TLK1: variants seen among roughly 807,000 people sequenced by gnomAD.
TLK1 encodes serine/threonine-protein kinase tousled-like 1.
TLK1 carries 24 observed loss-of-function variants against 105.3 expected under a neutral mutation model. The observed-to-expected ratio is 0.23, with a 90% confidence interval of 0.17 to 0.32. TLK1 has a LOEUF of 0.32. Ranked by LOEUF, TLK1 falls within the 10% of genes least tolerant of loss-of-function variation. The probability of loss-of-function intolerance (pLI) is 1.00; values close to 1 mark genes in which losing one functional copy is unlikely to be tolerated. For synonymous variants in TLK1, 321 were observed against 310.4 expected, an observed-to-expected ratio of 1.03 and a Z score of -0.36; for missense variants, 558 against 910.5, an observed-to-expected ratio of 0.61 and a Z score of 4.98.
intron 1 of TLK1, among the ~76,000 whole-genome samples, chr2:171,213,287 G>A (rs1250995139): frequency 6.6e-6 from 1 of 150,558 alleles, no homozygotes; most frequent in African/African-American, 2.4e-5. Context: ...CTGCAGCCTC[G>A]ACCTCCTGGG....
At chr2:170,998,745 T>A (rs1684205822) in intron 18 of TLK1, among the ~76,000 whole-genome samples, 1 of 152,222 alleles carries the variant, frequency 6.6e-6, no homozygotes, top group African/African-American at 2.4e-5. Flanking sequence ...ATTACTATTT[T>A]AAAAATATGT....
chr2:171,143,020 T>C lies in TLK1; in HGVS notation c.139+17270A>G, dbSNP rs575902373. 1.2e-4 allele frequency among the ~76,000 whole-genome samples: 19 copies of C among 152,264 alleles called. 1 individual carries two copies. In the East Asian group the frequency reaches 1.9e-3, roughly 15 times the overall value. On this transcript the variant is annotated intron_variant, in intron 1 of 20. Transcript: ENST00000431350. Reference sequence around the variant, plus strand: ...CTTGAACTCAGAGACAGAAGTTGCATTGAGCCAAGATCATGCCACTACTCC... The same window carrying C: ...CTTGAACTCAGAGACAGAAGTTGCACTGAGCCAAGATCATGCCACTACTCC...
intron 11 of TLK1, among the ~76,000 whole-genome samples, chr2:171,033,238 A>G (rs1299217157): frequency 6.6e-6 from 1 of 152,160 alleles, no homozygotes; most frequent in Non-Finnish European, 1.5e-5. Context: ...AGGGAAGATA[A>G]CACAGGGGTA....
chr2:171,164,017 C>T (rs1357026067), upstream of TLK1, among the ~76,000 whole-genome samples: 5 of 152,190 alleles, frequency 3.3e-5, no homozygotes, highest in East Asian at 1.9e-4. Context: ...TGAGCCACCA[C>T]GTCCACCCTA....
rs1195350832 is a variant in TLK1, at chr2:170,993,685, A to AAAAAAG, written c.*89_*94dup. ...GTCTTGTGTAAAAAAAAAAAAAAAAAAAAAAGAAAAAGAAAACAAACACTC... is the reference window on the plus strand; with the variant it reads ...GTCTTGTGTAAAAAAAAAAAAAAAAAAAAAAGAAAAAGAAAAAGAAAACAAACACTC... On this transcript the variant is annotated 3_prime_UTR_variant, in exon 21 of 21. Transcript: ENST00000431350. 1.1e-4 allele frequency: 114 copies of AAAAAAG among 994,312 alleles called. No individual in the cohort carries two copies. The highest frequency in any genetic ancestry group is 3.0e-4 in the Admixed American group (9 of 29,712). 61.6% of individuals were successfully genotyped at this position (994,312 alleles called of 1,614,324 possible). A position where few individuals can be genotyped will look rare whatever the true frequency, so the allele number is the denominator to read the frequency against.
chr2:171,016,361 C>T (rs896059027), intron 12 of TLK1, among the ~76,000 whole-genome samples: 19 of 152,030 alleles, frequency 1.2e-4, no homozygotes. Flanking sequence ...CCTGAACTCC[C>T]GAGCTCAACG....
chr2:171,148,889 AAAT>A (rs1255315801), intron 1 of TLK1, among the ~76,000 whole-genome samples: 42 of 69,944 alleles, frequency 6.0e-4, no homozygotes, highest in Admixed American at 1.0e-3. Flanking sequence ...TAAAAAAAAA[AAAT>A]ATATATATAT....
At chr2:171,075,227 T>C (rs1027272466) in intron 3 of TLK1, among the ~76,000 whole-genome samples, 7 of 151,682 alleles carry the variant, frequency 4.6e-5, no homozygotes, top group African/African-American at 1.7e-4. Flanking sequence ...AAAGTAGAGG[T>C]GGGTATGTAT....
At chr2:171,119,349 C>G (rs568880393) in intron 1 of TLK1, among the ~76,000 whole-genome samples, 1 of 152,276 alleles carries the variant, frequency 6.6e-6, no homozygotes, top group African/African-American at 2.4e-5. Context: ...TCAGCCACAC[C>G]TGTTCCCCCC....
At chr2:171,061,265 C>T in intron 3 of TLK1, 109 bp from the exon 4 acceptor site, 2 of 870,506 alleles carry the variant, frequency 2.3e-6, no homozygotes, top group East Asian at 2.6e-5. Flanking sequence ...TTCAGTAGTG[C>T]TCAAGAGATG....
At chr2:171,006,394 CAT>C (rs1010750582) in intron 17 of TLK1, 78 bp downstream of exon 17, 17 of 1,485,974 alleles carry the variant, frequency 1.1e-5, no homozygotes, top group African/African-American at 8.4e-5. Flanking sequence ...AACCAAAAAA[CAT>C]GTTTTCAGAT....
At chr2:171,127,766 G>T (rs746518229) in intron 1 of TLK1, among the ~76,000 whole-genome samples, 10 of 151,748 alleles carry the variant, frequency 6.6e-5, no homozygotes, top group Non-Finnish European at 5.9e-5. Context: ...TACCTCTCTG[G>T]TTATCACATT....
intron 18 of TLK1, among the ~76,000 whole-genome samples, chr2:171,000,011 G>A (rs1419558283): frequency 1.3e-5 from 2 of 152,046 alleles, no homozygotes; most frequent in African/African-American, 2.4e-5. Flanking sequence ...TCTTCCTGCT[G>A]GGATCAGAGG....
At chr2:171,084,249 G>T (rs1688871146) in intron 2 of TLK1, among the ~76,000 whole-genome samples, 1 of 152,084 alleles carries the variant, frequency 6.6e-6, no homozygotes, top group South Asian at 2.1e-4. Context: ...AGTACAGAAG[G>T]GTTTTGCACT....
Position 171,222,044 on chromosome 2 carries a change from C to A in TLK1, c.-6+9101G>T, listed in dbSNP as rs1031864676. Among the ~76,000 whole-genome samples the A allele has an allele frequency of 7.9e-5, 12 of 152,280 alleles. No individual in the cohort carries two copies. The South Asian group carries it at 2.5e-3, about 32-fold the overall frequency. Reference sequence around the variant, plus strand: ...TCAGGATTGTGTGACTGGTTCTGGCCAATTAGCTGTTGACAAAAAATACAT... The same window carrying A: ...TCAGGATTGTGTGACTGGTTCTGGCAAATTAGCTGTTGACAAAAAATACAT... On this transcript the variant is annotated intron_variant, in intron 1 of 20. Transcript: ENST00000521943.
chr2:171,195,527 A>T (rs1158688470), intron 1 of TLK1, among the ~76,000 whole-genome samples: 4 of 150,764 alleles, frequency 2.7e-5, no homozygotes, highest in African/African-American at 9.8e-5. Flanking sequence ...AAAAAACATA[A>T]TCCACCATGG....
At chr2:171,161,528 TA>T (rs914793922), upstream of TLK1, among the ~76,000 whole-genome samples, 1 of 152,150 alleles carries the variant, frequency 6.6e-6, no homozygotes, top group Non-Finnish European at 1.5e-5. Context: ...TCGTGTTTTC[TA>T]AAAAAGAGTG....
chr2:171,160,203 C>CGGGGCGGGGG lies in TLK1; in HGVS notation c.139+77_139+86dup, dbSNP rs1692412285. ...ACCCCAGGGTCTGGCGGAGAAGCCC[C>CGGGGCGGGGG]GGGGCGGGGGGGGCGGGGGGGGGGC... On this transcript the variant is annotated intron_variant, in intron 1 of 20. Coordinates refer to ENST00000431350, the MANE Select transcript of TLK1 (RefSeq NM_012290.5). This position sits in a 1 kb window ranked among gnomAD's most constrained non-coding sequence, Gnocchi z 4.4. 11 of 1,187,582 alleles carry CGGGGCGGGGG rather than the reference C, an allele frequency of 9.3e-6. No homozygotes were observed. The highest frequency in any genetic ancestry group is 1.1e-5 in the Non-Finnish European group (11 of 963,798). The allele number at this position is 1,187,582 out of a possible 1,614,324, so 73.6% of individuals were successfully genotyped here. A position where few individuals can be genotyped will look rare whatever the true frequency, so the allele number is the denominator to read the frequency against.
At chr2:170,999,321 G>A (rs140424916) in intron 18 of TLK1, among the ~76,000 whole-genome samples, 3 of 152,238 alleles carry the variant, frequency 2.0e-5, no homozygotes, top group East Asian at 1.9e-4. Flanking sequence ...TGAAACTTCC[G>A]TGAAGTAAAA....
Sources: gnomAD v4.1 joint callset for allele counts (sites outside exome capture counted in the v4.1 genomes callset) on GRCh38, gnomAD v4.1.1 for gene constraint, Gnocchi (gnomAD v3.1) non-coding constraint, MANE v1.5 for transcripts, NCBI Gene and HGNC (gene_info 2026-07-23, HGNC 2026-07-21) for gene names.